Variants in KIDINS220 observed in about 807,000 individuals in gnomAD.
The protein encoded by KIDINS220 is kinase D-interacting substrate of 220 kDa.
In KIDINS220, 63 loss-of-function variants were observed where a neutral mutation model predicts 157.6. That is an observed-to-expected ratio of 0.40 (90% CI 0.33 to 0.49). KIDINS220 has a LOEUF of 0.49. KIDINS220 is among the 20% of genes least tolerant of loss of function. KIDINS220 has a pLI of 0.66. For synonymous variants in KIDINS220, 732 were observed against 783.6 expected, an observed-to-expected ratio of 0.93 and a Z score of 1.10; for missense variants, 1,772 against 2,171.2, an observed-to-expected ratio of 0.82 and a Z score of 3.65.
intron 27 of KIDINS220, among the ~76,000 whole-genome samples, chr2:8,736,489 C>T (rs759876616): frequency 3.3e-5 from 5 of 152,180 alleles, no homozygotes; most frequent in Admixed American, 1.3e-4. Flanking sequence ...CTAAATCACA[C>T]TAACAAATAT....
At chr2:8,782,037 C>A (rs1671796972) in intron 17 of KIDINS220, among the ~76,000 whole-genome samples, 3 of 151,908 alleles carry the variant, frequency 2.0e-5, no homozygotes, top group South Asian at 4.2e-4. Context: ...TCCCTTGAGC[C>A]CAGGAGGCAG....
chr2:8,786,133 T>C, intron 16 of KIDINS220, 73 bp downstream of exon 16: 1 of 1,588,228 alleles, frequency 6.3e-7, no homozygotes, highest in Non-Finnish European at 8.6e-7. Flanking sequence ...AAGGTGTGTT[T>C]TCATGAAAAT....
At position 8,779,040 on chromosome 2, in the gene KIDINS220, G is replaced by A; in HGVS notation, c.2470C>T (p.Arg824Trp). 3 of 1,614,036 alleles carry A rather than the reference G, an allele frequency of 1.9e-6. No individual in the cohort carries two copies. Among genetic ancestry groups the A allele is most frequent in the Non-Finnish European group, 2.5e-6 (3 of 1,180,004 alleles). The change falls in exon 19 of 30, where the codon CGG becomes TGG. Residue 824 changes from arginine to tryptophan, a missense_variant. Arg to Trp is a moderately radical substitution (Grantham distance 101). This residue lies in a region of KIDINS220 where 725 missense variants were observed against 1,017.1 expected (regional missense o/e 0.71). Transcript: ENST00000256707. ...AINQNLNSVL[R>W]DSNINGHDYM... ...TCATGGCCATTTATATTTGAATCCC[G>A]AAGCACACTATTGAGGTTCTGGTTA...
intron 26 of KIDINS220, chr2:8,746,476 TG>T (rs1197819661): frequency 2.7e-5 from 3 of 112,242 alleles, no homozygotes; most frequent in African/African-American, 7.7e-5. Context: ...TTTTTCTTTT[TG>T]TTTTTTTTTT....
At chr2:8,811,354 A>C (rs1174568749) in intron 6 of KIDINS220, among the ~76,000 whole-genome samples, 2 of 152,200 alleles carry the variant, frequency 1.3e-5, no homozygotes, top group Non-Finnish European at 2.9e-5. Context: ...AGTGGTAAGA[A>C]GGATGTGGAA....
intron 29 of KIDINS220, among the ~76,000 whole-genome samples, chr2:8,732,373 T>C (rs1207441633): frequency 6.6e-6 from 1 of 152,232 alleles, no homozygotes; most frequent in Non-Finnish European, 1.5e-5. Flanking sequence ...GCTGGGACTA[T>C]GGGCATGTCC....
Position 8,731,624 on chromosome 2 carries a change from G to A in KIDINS220, c.4412C>T (p.Ser1471Phe), listed in dbSNP as rs1043140867. 6.2e-7 allele frequency: 1 copy of A among 1,614,178 alleles called. No individual in the cohort carries two copies. The highest frequency in any genetic ancestry group is 8.5e-7 in the Non-Finnish European group (1 of 1,180,032). ...SSSGVSTNDA[S>F]PLDPITEEDE... ...TTCTTCAGTGATAGGATCCAGGGGG[G>A]AAGCATCGTTGGTGGAAACCCCTGA... Residue 1471 changes from serine to phenylalanine, a missense_variant, in exon 30 of 30, where the codon TCC (serine) becomes TTC (phenylalanine). Around this residue, in one of 3 missense-constraint regions of KIDINS220, gnomAD observed 793 missense variants for 885.5 expected, o/e 0.90. Transcript: ENST00000256707. This position sits in a 1 kb window ranked among gnomAD's most constrained non-coding sequence, Gnocchi z 5.2.
chr2:8,790,597 A>T (rs1673051840), intron 13 of KIDINS220, among the ~76,000 whole-genome samples: 1 of 152,148 alleles, frequency 6.6e-6, no homozygotes, highest in African/African-American at 2.4e-5. Flanking sequence ...TTTTATAGGC[A>T]ATACTGAAAC....
intron 9 of KIDINS220, among the ~76,000 whole-genome samples, chr2:8,799,809 G>A: frequency 6.6e-6 from 1 of 152,180 alleles, no homozygotes; most frequent in East Asian, 1.9e-4. Context: ...AAGACGCCAA[G>A]AACTTTTTCT....
intron 9 of KIDINS220, among the ~76,000 whole-genome samples, chr2:8,799,090 C>G (rs867487737): frequency 6.6e-6 from 1 of 152,072 alleles, no homozygotes; most frequent in African/African-American, 2.4e-5. Flanking sequence ...AGGCCCTACC[C>G]GCCTCCCATT....
At chr2:8,807,808 G>C (rs1311192362) in intron 6 of KIDINS220, among the ~76,000 whole-genome samples, 1 of 152,108 alleles carries the variant, frequency 6.6e-6, no homozygotes, top group Non-Finnish European at 1.5e-5. Context: ...CCTCAAAGCA[G>C]GCTTAGGAAG....
chr2:8,812,737 G>A (rs1390128820), intron 5 of KIDINS220, among the ~76,000 whole-genome samples: 2 of 151,918 alleles, frequency 1.3e-5, no homozygotes, highest in African/African-American at 2.4e-5. Context: ...TGGCAACTAA[G>A]ATATAATAAA....
chr2:8,822,143 A>C (rs1298011088), intron 2 of KIDINS220, among the ~76,000 whole-genome samples: 2 of 152,202 alleles, frequency 1.3e-5, no homozygotes, highest in Non-Finnish European at 2.9e-5. Context: ...ATGCAAAAAC[A>C]ACTACTATTT....
chr2:8,728,679 G>A (rs566825922), downstream of KIDINS220, among the ~76,000 whole-genome samples: 1 of 152,354 alleles, frequency 6.6e-6, no homozygotes, highest in South Asian at 2.1e-4. Flanking sequence ...GCACAGCGCT[G>A]CTGGGCGCTA....
rs1031555326 is a variant in KIDINS220, at chr2:8,751,586, C to T, written c.3070G>A (p.Asp1024Asn). Residue 1024 changes from aspartate (D) to asparagine (N), a missense_variant, in exon 23 of 30, where the codon GAT becomes AAT. Physicochemically the swap from Asp to Asn is conservative, Grantham distance 23. Around this residue, in one of 3 missense-constraint regions of KIDINS220, gnomAD observed 725 missense variants for 1,017.1 expected, o/e 0.71. Coordinates refer to ENST00000256707, the MANE Select transcript of KIDINS220 (RefSeq NM_020738.4). ...AAAAACACTTCAAAATTTCTTATAT[C>T]TCCATCAATTTCAAGAAGTGGCTCA... ...DVEPLLEIDG[D>N]IRNFEVFLSS... 6.2e-7 allele frequency: 1 copy of T among 1,611,420 alleles called. No individual in the cohort carries two copies. The highest frequency in any genetic ancestry group is 1.3e-5 in the African/African-American group (1 of 74,956).
chr2:8,746,707 C>A (rs1666632620), intron 26 of KIDINS220: 1 of 156,844 alleles, frequency 6.4e-6, no homozygotes, highest in South Asian at 2.0e-4. Flanking sequence ...TCTACACCAT[C>A]TAGCTTATGT....
intron 22 of KIDINS220, chr2:8,757,131 A>G (rs74880669): frequency 5.3e-6 from 2 of 379,046 alleles, no homozygotes; most frequent in Non-Finnish European, 7.3e-6. Context: ...GAAAAAAAAA[A>G]GAGTTAAGAT....
chr2:8,793,743 T>C lies in KIDINS220; in HGVS notation c.1276+67A>G, dbSNP rs74586919. On this transcript the variant is annotated intron_variant, in intron 12 of 29. Transcript: ENST00000256707. ...CATGAGCCACCATGCCTGGCCTTAT[T>C]TTCCATATTCTTTAATGGAACATTG... is the stretch of plus-strand genomic sequence containing the variant. 1,472 of 1,423,616 alleles carry C rather than the reference T, an allele frequency of 1.0e-3. 23 individuals are homozygous for C. In the East Asian group the frequency reaches 0.032, roughly 31 times the overall value. The allele number at this position is 1,423,616 out of a possible 1,614,324, so 88.2% of individuals were successfully genotyped here. A position where few individuals can be genotyped will look rare whatever the true frequency, so the allele number is the denominator to read the frequency against.
At chr2:8,753,342 A>G (rs1667606682) in intron 22 of KIDINS220, among the ~76,000 whole-genome samples, 3 of 152,234 alleles carry the variant, frequency 2.0e-5, no homozygotes, top group African/African-American at 7.2e-5. Context: ...GAAAATGCAA[A>G]CCAATCTAAA....
Sources: allele counts gnomAD v4.1 joint callset (sites outside exome capture counted in the v4.1 genomes callset), GRCh38; gene constraint gnomAD v4.1.1; regional missense constraint gnomAD v4.1.1; non-coding constraint Gnocchi (gnomAD v3.1); transcripts MANE v1.5; gene names NCBI Gene and HGNC (gene_info 2026-07-23, HGNC 2026-07-21).